SPOCK3: variants seen among roughly 807,000 people sequenced by gnomAD.
SPOCK3 encodes the protein SPARC (osteonectin), cwcv and kazal like domains proteoglycan 3.
In SPOCK3, 30 loss-of-function variants were observed where a neutral mutation model predicts 56.6. That is an observed-to-expected ratio of 0.53 (90% confidence interval 0.40 to 0.72). The LOEUF (loss-of-function observed/expected upper bound fraction) is 0.72, where lower values mean the gene tolerates loss of function less well. SPOCK3 is among the 30% of genes least tolerant of loss of function. The pLI, the probability that SPOCK3 is intolerant of heterozygous loss-of-function variation, is 0.00. For synonymous variants in SPOCK3, 196 were observed against 183.3 expected, an observed-to-expected ratio of 1.07 and a Z score of -0.56; for missense variants, 527 against 530.0, an observed-to-expected ratio of 0.99 and a Z score of 0.06.
chr4:166,755,174 G>C (rs1192294633), intron 7 of SPOCK3, among the ~76,000 whole-genome samples: 1 of 151,248 alleles, frequency 6.6e-6, no homozygotes, highest in Non-Finnish European at 1.5e-5. Context: ...CACAAAATAA[G>C]TAATAACTTT....
intron 2 of SPOCK3, chr4:167,119,720 G>A (rs1362420564): frequency 1.9e-5 from 20 of 1,040,212 alleles, no homozygotes; most frequent in East Asian, 2.6e-5. Flanking sequence ...AATAGAGAAC[G>A]TTATGTCTAT....
intron 6 of SPOCK3, among the ~76,000 whole-genome samples, chr4:166,813,939 C>A (rs1035765837): frequency 4.6e-5 from 7 of 151,928 alleles, no homozygotes; most frequent in Non-Finnish European, 1.5e-5. Context: ...TTGAATTCTG[C>A]TAAAATTGAA....
intron 5 of SPOCK3, among the ~76,000 whole-genome samples, chr4:166,897,869 G>T (rs965670359): frequency 6.6e-6 from 1 of 152,066 alleles, no homozygotes; most frequent in East Asian, 1.9e-4. Context: ...GTAGTGAAAG[G>T]CTCAACCATA....
At chr4:166,857,894 C>A (rs938554397) in intron 6 of SPOCK3, among the ~76,000 whole-genome samples, 1 of 152,148 alleles carries the variant, frequency 6.6e-6, no homozygotes, top group Non-Finnish European at 1.5e-5. Flanking sequence ...TAATTGTATT[C>A]TCCTTTTCTA....
chr4:167,210,268 A>G (rs1335072507), intron 2 of SPOCK3, among the ~76,000 whole-genome samples: 2 of 152,036 alleles, frequency 1.3e-5, no homozygotes, highest in African/African-American at 4.8e-5. Context: ...TCAAAGAACA[A>G]ACTCTGCTCA....
intron 5 of SPOCK3, among the ~76,000 whole-genome samples, chr4:166,891,911 T>G (rs1734829015): frequency 1.3e-5 from 2 of 152,006 alleles, no homozygotes; most frequent in Non-Finnish European, 2.9e-5. Context: ...AATATATGTT[T>G]ATCTCCCTTC....
intron 9 of SPOCK3, among the ~76,000 whole-genome samples, chr4:166,739,786 A>T (rs1734638462): frequency 6.6e-6 from 1 of 152,086 alleles, no homozygotes; most frequent in Admixed American, 6.6e-5. Context: ...AAAAGACAAA[A>T]CTTAGTCTTG....
intron 2 of SPOCK3, among the ~76,000 whole-genome samples, chr4:167,138,155 T>C (rs1456510582): frequency 6.6e-6 from 1 of 151,732 alleles, no homozygotes; most frequent in Non-Finnish European, 1.5e-5. Context: ...CAAGCACCTT[T>C]CAGATCATTT....
At chr4:167,067,356 C>T (rs762091361) in intron 2 of SPOCK3, among the ~76,000 whole-genome samples, 19 of 151,746 alleles carry the variant, frequency 1.3e-4, no homozygotes, top group South Asian at 4.1e-4. Context: ...TTGCAATTTA[C>T]GTTAACTGCT....
chr4:166,735,880 G>A (rs1331006335), intron 10 of SPOCK3, among the ~76,000 whole-genome samples: 2 of 151,950 alleles, frequency 1.3e-5, no homozygotes, highest in Non-Finnish European at 2.9e-5. Flanking sequence ...GCCACTGAGT[G>A]GGAATTTGTT....
intron 4 of SPOCK3, among the ~76,000 whole-genome samples, chr4:166,956,716 A>G (rs1247296881): frequency 1.3e-5 from 2 of 152,114 alleles, no homozygotes; most frequent in Non-Finnish European, 2.9e-5. Context: ...ATATTCTCAC[A>G]TCTAAGCCCA....
chr4:167,025,912 A>G (rs1296833119), intron 3 of SPOCK3, among the ~76,000 whole-genome samples: 3 of 152,046 alleles, frequency 2.0e-5, no homozygotes, highest in Non-Finnish European at 4.4e-5. Context: ...GGTGGAGCCT[A>G]TTGCTCCTAG....
At chr4:166,914,931 T>G (rs567358768) in intron 4 of SPOCK3, among the ~76,000 whole-genome samples, 2 of 152,140 alleles carry the variant, frequency 1.3e-5, no homozygotes. Context: ...AATAAACATG[T>G]TCATATTCTT....
intron 4 of SPOCK3, among the ~76,000 whole-genome samples, chr4:166,943,278 C>T (rs1399543954): frequency 6.6e-6 from 1 of 152,140 alleles, no homozygotes; most frequent in East Asian, 1.9e-4. Context: ...TATAGGAAAA[C>T]ATTGATTTCC....
chr4:166,782,979 G>A (rs925152062), intron 7 of SPOCK3, among the ~76,000 whole-genome samples: 1 of 152,160 alleles, frequency 6.6e-6, no homozygotes, highest in African/African-American at 2.4e-5. Context: ...GTAATAATAA[G>A]CAAGCTGGCA....
chr4:167,018,882 G>A (rs1750903974), intron 3 of SPOCK3, among the ~76,000 whole-genome samples: 1 of 151,916 alleles, frequency 6.6e-6, no homozygotes, highest in Non-Finnish European at 1.5e-5. Context: ...ATTTTGCCCT[G>A]CTACAAACAG....
At chr4:167,205,701 C>A (rs1174079531) in intron 2 of SPOCK3, among the ~76,000 whole-genome samples, 2 of 139,156 alleles carry the variant, frequency 1.4e-5, no homozygotes, top group African/African-American at 2.7e-5. Flanking sequence ...CAACTTCTGT[C>A]CCCGGGGTTT....
intron 6 of SPOCK3, among the ~76,000 whole-genome samples, chr4:166,869,389 C>A (rs1246677619): frequency 6.6e-6 from 1 of 152,074 alleles, no homozygotes; most frequent in East Asian, 1.9e-4. Context: ...ACTAAACCCT[C>A]AAGGAGCACA....
chr4:166,841,181 G>A (rs972876288), intron 6 of SPOCK3, among the ~76,000 whole-genome samples: 2 of 152,160 alleles, frequency 1.3e-5, no homozygotes, highest in African/African-American at 4.8e-5. Context: ...ATTGGAGACC[G>A]ACATAAACAC....
Sources: allele counts gnomAD v4.1 joint callset (sites outside exome capture counted in the v4.1 genomes callset), GRCh38; gene constraint gnomAD v4.1.1; transcripts MANE v1.5; gene names NCBI Gene and HGNC (gene_info 2026-07-23, HGNC 2026-07-21).